ARFIP1: variants seen among roughly 807,000 people sequenced by gnomAD.
The protein encoded by ARFIP1 is ARF interacting protein 1, also known as arfaptin-1.
A neutral mutation model predicts 42.5 loss-of-function variants in ARFIP1; 24 were observed. That is an observed-to-expected ratio of 0.57 (90% CI 0.41 to 0.80). The LOEUF (loss-of-function observed/expected upper bound fraction) is 0.80. Ranked by LOEUF, ARFIP1 falls within the 30% of genes least tolerant of loss-of-function variation. The probability of loss-of-function intolerance (pLI) is 0.00; values close to 1 mark genes in which losing one functional copy is unlikely to be tolerated. For missense variants in ARFIP1, 354 were observed against 434.0 expected (o/e 0.82, Z 1.64); for synonymous variants, 141 against 153.7 (o/e 0.92, Z 0.61).
At chr4:152,807,611 T>C (rs988331460) in intron 1 of ARFIP1, among the ~76,000 whole-genome samples, 3 of 152,252 alleles carry the variant, frequency 2.0e-5, no homozygotes, top group Admixed American at 1.3e-4. Context: ...ATTTGTGTTT[T>C]CTTGCTATTG....
At chr4:152,784,570 A>G (rs879591119) in intron 1 of ARFIP1, among the ~76,000 whole-genome samples, 2 of 152,236 alleles carry the variant, frequency 1.3e-5, no homozygotes, top group Non-Finnish European at 2.9e-5. Flanking sequence ...GCTGTTTTTC[A>G]GAGTAGGCAA....
At chr4:152,796,312 A>G in intron 1 of ARFIP1, 1 of 840,786 alleles carries the variant, frequency 1.2e-6, no homozygotes. Flanking sequence ...CTTTCTTGAA[A>G]TGCAAGCCCA....
chr4:152,798,215 A>T (rs1169223804), intron 1 of ARFIP1, among the ~76,000 whole-genome samples: 1 of 151,620 alleles, frequency 6.6e-6, no homozygotes, highest in Non-Finnish European at 1.5e-5. Context: ...GTGAGCCAAG[A>T]TCGCGCCACT....
At chr4:152,844,016 G>A (rs1732335336) in intron 2 of ARFIP1, among the ~76,000 whole-genome samples, 1 of 152,114 alleles carries the variant, frequency 6.6e-6, no homozygotes, top group Admixed American at 6.5e-5. Flanking sequence ...TGCTCCTCTG[G>A]TCACCCTCCT....
chr4:152,844,132 A>G (rs756335171), intron 2 of ARFIP1, among the ~76,000 whole-genome samples: 1 of 152,136 alleles, frequency 6.6e-6, no homozygotes, highest in Non-Finnish European at 1.5e-5. Flanking sequence ...TTGGCTCTCT[A>G]AACTTGACTC....
intron 1 of ARFIP1, among the ~76,000 whole-genome samples, chr4:152,783,006 A>G (rs1461969898): frequency 6.6e-6 from 1 of 152,126 alleles, no homozygotes; most frequent in Admixed American, 6.5e-5. Flanking sequence ...AGTCAACATA[A>G]GTTTATAGAG....
chr4:152,869,901 A>C (rs1217885850), intron 3 of ARFIP1, among the ~76,000 whole-genome samples: 1 of 152,176 alleles, frequency 6.6e-6, no homozygotes, highest in Admixed American at 6.5e-5. Flanking sequence ...CTGGTTCTCA[A>C]ACTTGGTTGT....
At chr4:152,866,640 A>G (rs894060506) in intron 3 of ARFIP1, among the ~76,000 whole-genome samples, 1 of 143,186 alleles carries the variant, frequency 7.0e-6, no homozygotes, top group Non-Finnish European at 1.5e-5. Context: ...GTGGGGGCTG[A>G]CCCCCACCTC....
chr4:152,881,044 T>C lies in ARFIP1; in HGVS notation c.493T>C (p.Leu165=), dbSNP rs758720563. 14 of 1,613,722 alleles carry C rather than the reference T, an allele frequency of 8.7e-6. No homozygotes were observed. In the Admixed American group the frequency reaches 2.0e-4, roughly 23 times the overall value. The change falls in exon 6 of 9, where the codon TTA becomes CTA. Residue 165 remains leucine, a synonymous_variant. Transcript: ENST00000353617. The stretch of plus-strand genomic sequence containing the variant: ...TGAACTTGAAGCTCAGATTGATATA[T>C]TAAGGGATAACAAGAAAAAATATGA... ...DLELEAQIDI[L]RDNKKKYENI... is the part of the protein sequence containing the mutation.
intron 7 of ARFIP1, among the ~76,000 whole-genome samples, 191 bp from the exon 8 acceptor site, chr4:152,887,942 G>A (rs1226557183): frequency 1.3e-5 from 2 of 151,950 alleles, no homozygotes; most frequent in African/African-American, 2.4e-5. Context: ...TTAACCAGCA[G>A]CTTTGTTCTT....
chr4:152,909,489 C>G (rs1738665905), intron 8 of ARFIP1, among the ~76,000 whole-genome samples: 1 of 152,144 alleles, frequency 6.6e-6, no homozygotes, highest in Non-Finnish European at 1.5e-5. Flanking sequence ...GGTAGTATGA[C>G]TTGGTTAAAA....
intron 1 of ARFIP1, among the ~76,000 whole-genome samples, chr4:152,814,825 G>A (rs1310392751): frequency 2.6e-5 from 4 of 152,254 alleles, no homozygotes; most frequent in Non-Finnish European, 1.5e-5. Context: ...AAAGCTAAAA[G>A]CCTAGGAGAC....
chr4:152,858,137 C>T (rs1733589664), intron 2 of ARFIP1, among the ~76,000 whole-genome samples: 1 of 151,958 alleles, frequency 6.6e-6, no homozygotes, highest in Non-Finnish European at 1.5e-5. Context: ...ACTAAAAATA[C>T]AAAAATTAGC....
At chr4:152,889,767 C>CTATATACTATA (rs1298387113) in intron 8 of ARFIP1, among the ~76,000 whole-genome samples, 10 of 18,238 alleles carry the variant, frequency 5.5e-4, no homozygotes, top group Admixed American at 2.6e-3. Context: ...ATATACTATA[C>CTATATACTATA]TATATACTAT....
At chr4:152,893,168 T>G (rs1737005944) in intron 8 of ARFIP1, among the ~76,000 whole-genome samples, 3 of 152,182 alleles carry the variant, frequency 2.0e-5, no homozygotes. Context: ...ATTCAGCAAG[T>G]GCATGTTTGC....
At chr4:152,855,432 G>T (rs114058934) in intron 2 of ARFIP1, among the ~76,000 whole-genome samples, 1,756 of 152,236 alleles carry the variant, frequency 0.012, 34 homozygotes, top group African/African-American at 0.041. Context: ...GGAGAGGGTG[G>T]TGCTGCCTTT....
chr4:152,825,127 C>G (rs536615424), intron 1 of ARFIP1, among the ~76,000 whole-genome samples: 1 of 151,714 alleles, frequency 6.6e-6, no homozygotes, highest in Non-Finnish European at 1.5e-5. Flanking sequence ...ATTCTGAAAA[C>G]GACCATACTG....
intron 8 of ARFIP1, among the ~76,000 whole-genome samples, chr4:152,892,638 G>A (rs1004892677): frequency 6.6e-6 from 1 of 152,104 alleles, no homozygotes; most frequent in Non-Finnish European, 1.5e-5. Context: ...CTTCCGTATG[G>A]CAAAAGAAAG....
intron 8 of ARFIP1, among the ~76,000 whole-genome samples, chr4:152,901,188 A>G (rs1383666867): frequency 6.6e-6 from 1 of 152,252 alleles, no homozygotes; most frequent in East Asian, 1.9e-4. Context: ...TTAATTTGGT[A>G]GAAATAAACT....
Sources: gnomAD v4.1 joint callset for allele counts (sites outside exome capture counted in the v4.1 genomes callset) on GRCh38, gnomAD v4.1.1 for gene constraint, MANE v1.5 for transcripts, NCBI Gene and HGNC (gene_info 2026-07-23, HGNC 2026-07-21) for gene names.